Variants in PRPS1 observed in about 807,000 individuals in gnomAD.
PRPS1 encodes ribose-phosphate pyrophosphokinase 1.
A neutral mutation model predicts 16.9 loss-of-function variants in PRPS1; 1 was observed. That is an observed-to-expected ratio of 0.06 (90% CI 0.02 to 0.28). The LOEUF (loss-of-function observed/expected upper bound fraction) is 0.28. PRPS1 is among the 10% of genes least tolerant of loss of function. The pLI, the probability that PRPS1 is intolerant of heterozygous loss-of-function variation, is 1.00. For synonymous variants in PRPS1, 70 were observed against 90.2 expected (o/e 0.78, Z 1.27); for missense variants, 47 against 254.0 (o/e 0.19, Z 5.54).
chrX:107,635,904 C>G (rs1243059106), intron 1 of PRPS1, among the ~76,000 whole-genome samples: 1 of 107,743 alleles, frequency 9.3e-6, no homozygotes, highest in African/African-American at 3.4e-5. Flanking sequence ...ACTAAAAATA[C>G]AAAAAATTAG....
chrX:107,650,259 G>T lies in PRPS1; in HGVS notation c.*227G>T, dbSNP rs1308839512. The T allele has an allele frequency of 1.7e-6, 1 of 598,046 alleles. No homozygotes were observed. Among genetic ancestry groups the T allele is most frequent in the Non-Finnish European group, 2.5e-6 (1 of 399,797 alleles). 49.3% of individuals were successfully genotyped at this position (598,046 alleles called of 1,213,427 possible). ...TTCTGGCTTCCTTGATAATTCTGTG[G>T]GCCTTGCAGCTTTAACTATAGCTCA... On this transcript the variant is annotated 3_prime_UTR_variant, in exon 7 of 7. Coordinates refer to ENST00000372435, the MANE Select transcript of PRPS1 (RefSeq NM_002764.4).
chrX:107,644,247 C>G (rs1925639453), intron 4 of PRPS1, among the ~76,000 whole-genome samples: 1 of 111,935 alleles, frequency 8.9e-6, no homozygotes, highest in Non-Finnish European at 1.9e-5. Context: ...GGTGAGATGC[C>G]TAGCTTGTCT....
At chrX:107,632,657 T>C (rs1201145522) in intron 1 of PRPS1, among the ~76,000 whole-genome samples, 2 of 112,660 alleles carry the variant, frequency 1.8e-5, no homozygotes, top group Non-Finnish European at 3.7e-5. Context: ...GGAGTATTAC[T>C]CTCTAAATTG....
chrX:107,646,524 G>A (rs759070833), intron 5 of PRPS1, among the ~76,000 whole-genome samples: 46 of 111,948 alleles, frequency 4.1e-4, no homozygotes, highest in Non-Finnish European at 6.0e-4. Context: ...TTGGGATCCT[G>A]GAGTAAACAT....
At chrX:107,633,935 T>G (rs1278758979) in intron 1 of PRPS1, among the ~76,000 whole-genome samples, 3 of 111,653 alleles carry the variant, frequency 2.7e-5, no homozygotes, top group African/African-American at 9.8e-5. Flanking sequence ...TCAAAAAAAA[T>G]AAATACAATT....
chrX:107,645,180 G>C lies in PRPS1; in HGVS notation c.534G>C (p.Val178=), dbSNP rs1276449060. ...ATGAACACGCTCTGTTTTGCAGAGTGACCTCCATTGCAGACAGGCTGAATG... is the reference window on the plus strand; with the variant it reads ...ATGAACACGCTCTGTTTTGCAGAGTCACCTCCATTGCAGACAGGCTGAATG... ...VSPDAGGAKR[V]TSIADRLNVD... Residue 178 remains valine (V), a synonymous_variant, in exon 5 of 7, where the codon GTG becomes GTC. Coordinates refer to ENST00000372435, the MANE Select transcript of PRPS1 (RefSeq NM_002764.4). 8.3e-7 allele frequency: 1 copy of C among 1,212,037 alleles called. No individual in the cohort carries two copies. The highest frequency in any genetic ancestry group is 1.1e-6 in the Non-Finnish European group (1 of 895,561).
intron 4 of PRPS1, among the ~76,000 whole-genome samples, chrX:107,643,656 C>CT (rs753883547): frequency 9.0e-6 from 1 of 111,556 alleles, no homozygotes; most frequent in Admixed American, 9.6e-5. Context: ...TAGAGAGTTA[C>CT]TTTTTCTAGC....
At chrX:107,644,382 C>T (rs1925641953) in intron 4 of PRPS1, among the ~76,000 whole-genome samples, 1 of 111,578 alleles carries the variant, frequency 9.0e-6, no homozygotes, top group African/African-American at 3.3e-5. Flanking sequence ...GTGATGAGGA[C>T]ACAGGCATTG....
intron 1 of PRPS1, among the ~76,000 whole-genome samples, chrX:107,638,794 G>A: frequency 9.0e-6 from 1 of 111,013 alleles, no homozygotes; most frequent in Middle Eastern, 4.6e-3. Flanking sequence ...GTGCAGTGGT[G>A]TGATCTTAGC....
intron 2 of PRPS1, among the ~76,000 whole-genome samples, chrX:107,640,195 A>G (rs1272718507): frequency 8.9e-6 from 1 of 112,280 alleles, no homozygotes; most frequent in African/African-American, 3.2e-5. Flanking sequence ...AAAAGAAATT[A>G]TCCAGGCGTG....
chrX:107,648,253 A>G (rs913883746), intron 6 of PRPS1, among the ~76,000 whole-genome samples: 26 of 111,799 alleles, frequency 2.3e-4, no homozygotes, highest in African/African-American at 8.4e-4. Flanking sequence ...TCTAAGACCT[A>G]TAAAACCAGA....
At chrX:107,635,555 C>T (rs369420289) in intron 1 of PRPS1, among the ~76,000 whole-genome samples, 8 of 109,830 alleles carry the variant, frequency 7.3e-5, no homozygotes, top group East Asian at 5.7e-4. Context: ...CCTCAGTCTC[C>T]CCAGTAGCTG....
intron 3 of PRPS1, among the ~76,000 whole-genome samples, chrX:107,641,722 G>A (rs765911171): frequency 8.9e-6 from 1 of 111,976 alleles, no homozygotes; most frequent in East Asian, 2.8e-4. Flanking sequence ...CCAAAGTAAG[G>A]GGGGTGGAAT....
chrX:107,650,164 T>C lies in PRPS1; in HGVS notation c.*132T>C. 8.9e-7 allele frequency: 1 copy of C among 1,119,992 alleles called. No individual in the cohort carries two copies. 92.3% of individuals were successfully genotyped at this position (1,119,992 alleles called of 1,213,427 possible). ...TTTCTACATCCCACATCAGGTATATTAGAGCTTATCCGAACTGGGGAAAGA... is the reference window on the plus strand; with the variant it reads ...TTTCTACATCCCACATCAGGTATATCAGAGCTTATCCGAACTGGGGAAAGA... On this transcript the variant is annotated 3_prime_UTR_variant, in exon 7 of 7. Coordinates refer to ENST00000372435, the MANE Select transcript of PRPS1 (RefSeq NM_002764.4).
intron 1 of PRPS1, chrX:107,630,285 G>T (rs1004004768): frequency 8.9e-6 from 1 of 112,181 alleles, no homozygotes; most frequent in Non-Finnish European, 1.9e-5. Context: ...GTTTTCTTTG[G>T]CCCCTGTGGA....
intron 6 of PRPS1, 31 bp from the exon 7 acceptor site, chrX:107,649,909 A>G (rs760711543): frequency 3.3e-6 from 4 of 1,210,366 alleles, no homozygotes; most frequent in Non-Finnish European, 4.5e-6. Context: ...ACCATATGAT[A>G]GTAACCTGAT....
At chrX:107,648,424 CTTT>C (rs772036314) in intron 6 of PRPS1, among the ~76,000 whole-genome samples, 85 of 94,915 alleles carry the variant, frequency 9.0e-4, no homozygotes, top group African/African-American at 3.0e-3. Context: ...GGATTATCAT[CTTT>C]TTTTTTTTTT....
rs1925237498 is a variant in PRPS1 at position 107,628,575 on chromosome X, G to C, written c.-54G>C. ...TGAGTCTGTGGCCGACTTCGGTTCC[G>C]GTCTCTGCAGCAGCCGTGATCGCTT... On this transcript the variant is annotated 5_prime_UTR_variant, in exon 1 of 7. Coordinates refer to ENST00000372435, the MANE Select transcript of PRPS1 (RefSeq NM_002764.4). The C allele has an allele frequency of 3.3e-6, 4 of 1,210,571 alleles. No homozygotes were observed. In the East Asian group the frequency reaches 1.2e-4, roughly 36 times the overall value.
chrX:107,650,699 A>T lies in PRPS1; in HGVS notation c.*667A>T. ...TTTCGATTTGGCTTTACCTTCATCTATCTTGATCCTTTCCTGGCCAAATAT... is the reference window on the plus strand; with the variant it reads ...TTTCGATTTGGCTTTACCTTCATCTTTCTTGATCCTTTCCTGGCCAAATAT... On this transcript the variant is annotated 3_prime_UTR_variant, in exon 7 of 7. Coordinates refer to ENST00000372435, the MANE Select transcript of PRPS1 (RefSeq NM_002764.4). 3.3e-6 allele frequency: 1 copy of T among 298,914 alleles called. No individual in the cohort carries two copies. The highest frequency in any genetic ancestry group is 5.8e-6 in the Non-Finnish European group (1 of 171,233). 24.6% of individuals were successfully genotyped at this position (298,914 alleles called of 1,213,427 possible). A position where few individuals can be genotyped will look rare whatever the true frequency, so the allele number is the denominator to read the frequency against.
Sources: allele counts gnomAD v4.1 joint callset (sites outside exome capture counted in the v4.1 genomes callset), GRCh38; gene constraint gnomAD v4.1.1; transcripts MANE v1.5; gene names NCBI Gene and HGNC (gene_info 2026-07-23, HGNC 2026-07-21).